Variants in CACNA2D1 observed in about 807,000 individuals in gnomAD.
The protein encoded by CACNA2D1 is voltage-dependent calcium channel subunit alpha-2/delta-1.
Under a neutral mutation model 171.5 loss-of-function variants are expected in CACNA2D1, and 53 were observed. That is an observed-to-expected ratio of 0.31 (90% confidence interval 0.25 to 0.39). The LOEUF is 0.39. CACNA2D1 is among the 10% of genes least tolerant of loss of function. The pLI is 1.00. For synonymous variants in CACNA2D1, 442 were observed against 443.1 expected, an observed-to-expected ratio of 1.00 and a Z score of 0.03; for missense variants, 903 against 1,299.8, an observed-to-expected ratio of 0.69 and a Z score of 4.69.
chr7:82,323,771 T>G (rs2129440873), intron 3 of CACNA2D1, among the ~76,000 whole-genome samples: 1 of 152,234 alleles, frequency 6.6e-6, no homozygotes, highest in Non-Finnish European at 1.5e-5. Flanking sequence ...AACATAAATT[T>G]TACATTAGAT....
chr7:82,169,261 A>AT (rs1469699088), intron 4 of CACNA2D1, among the ~76,000 whole-genome samples: 2 of 151,866 alleles, frequency 1.3e-5, no homozygotes, highest in Admixed American at 6.6e-5. Context: ...TTAATCATTG[A>AT]TTTTTTCCTT....
intron 38 of CACNA2D1, among the ~76,000 whole-genome samples, chr7:81,956,458 T>C (rs1394913066): frequency 6.6e-6 from 1 of 152,144 alleles, no homozygotes; most frequent in Non-Finnish European, 1.5e-5. Context: ...TTGATTACAC[T>C]TTTCTTGTGT....
chr7:82,061,022 C>G (rs937954414), intron 9 of CACNA2D1, among the ~76,000 whole-genome samples: 3 of 152,068 alleles, frequency 2.0e-5, no homozygotes, highest in Admixed American at 1.3e-4. Context: ...CTTCATTTTT[C>G]TTTCCTCTAC....
At chr7:82,395,871 T>A (rs1041936381) in intron 1 of CACNA2D1, among the ~76,000 whole-genome samples, 2 of 152,122 alleles carry the variant, frequency 1.3e-5, no homozygotes, top group African/African-American at 4.8e-5. Flanking sequence ...TCCCAATCAT[T>A]GGCATAAAAA....
chr7:82,076,956 A>G (rs1809037450), intron 7 of CACNA2D1, among the ~76,000 whole-genome samples: 1 of 152,154 alleles, frequency 6.6e-6, no homozygotes, highest in Admixed American at 6.5e-5. Context: ...TCCAAAGTTC[A>G]TAAACCTCTT....
At chr7:81,972,602 A>T (rs1376617694) in intron 25 of CACNA2D1, among the ~76,000 whole-genome samples, 1 of 151,866 alleles carries the variant, frequency 6.6e-6, no homozygotes, top group Non-Finnish European at 1.5e-5. Flanking sequence ...AAGTTTAAAG[A>T]TAATTGAGGA....
intron 2 of CACNA2D1, among the ~76,000 whole-genome samples, chr7:82,342,743 G>A (rs1234997529): frequency 2.0e-5 from 3 of 152,096 alleles, no homozygotes; most frequent in Non-Finnish European, 4.4e-5. Flanking sequence ...ACGTTTTGGA[G>A]GAAACGTGAT....
chr7:82,271,263 C>A (rs544568258), intron 3 of CACNA2D1, among the ~76,000 whole-genome samples: 44 of 152,172 alleles, frequency 2.9e-4, no homozygotes, highest in Middle Eastern at 3.4e-3. Flanking sequence ...GAAACTAGAT[C>A]CCCTCTAGTC....
At chr7:82,433,667 T>C (rs1010173688) in intron 1 of CACNA2D1, among the ~76,000 whole-genome samples, 15 of 152,246 alleles carry the variant, frequency 9.9e-5, no homozygotes, top group Non-Finnish European at 1.9e-4. Flanking sequence ...CTCTGACATT[T>C]GGTCTTCTCC....
At chr7:81,968,788 C>T in intron 29 of CACNA2D1, 99 bp downstream of exon 29, 4 of 752,934 alleles carry the variant, frequency 5.3e-6, no homozygotes, top group Non-Finnish European at 7.1e-6. Context: ...TGTTTGACAC[C>T]TTTTGATGAC....
At chr7:82,353,502 G>T (rs1393166782) in intron 1 of CACNA2D1, among the ~76,000 whole-genome samples, 1 of 151,998 alleles carries the variant, frequency 6.6e-6, no homozygotes, top group Non-Finnish European at 1.5e-5. Context: ...AATCTCCATA[G>T]AAATTAAAGA....
intron 3 of CACNA2D1, among the ~76,000 whole-genome samples, chr7:82,190,620 C>G (rs570047799): frequency 6.6e-6 from 1 of 151,732 alleles, no homozygotes; most frequent in Non-Finnish European, 1.5e-5. Flanking sequence ...CCTTTTCAAA[C>G]TGTAATACTT....
chr7:82,225,416 T>G (rs76627612), intron 3 of CACNA2D1, among the ~76,000 whole-genome samples: 510 of 152,310 alleles, frequency 3.3e-3, no homozygotes, highest in Middle Eastern at 6.8e-3. Flanking sequence ...TTCTACCTAC[T>G]ACCTACCAGA....
chr7:82,170,625 T>C lies in CACNA2D1; in HGVS notation c.295-16A>G. 1.2e-6 allele frequency: 2 copies of C among 1,610,738 alleles called. No individual in the cohort carries two copies. Among genetic ancestry groups the C allele is most frequent in the Non-Finnish European group, 1.7e-6 (2 of 1,177,526 alleles). On this transcript the variant is annotated splice_polypyrimidine_tract_variant and intron_variant, in intron 3 of 38. Coordinates refer to ENST00000356860, the MANE Select transcript of CACNA2D1 (RefSeq NM_000722.4). ...ATGCCAGGCGCTGAAAAACAAACAA[T>C]AAATCTTAGAATTCAAATGAACACG...
intron 4 of CACNA2D1, among the ~76,000 whole-genome samples, chr7:82,147,990 A>T (rs913402450): frequency 2.6e-5 from 4 of 152,214 alleles, no homozygotes; most frequent in Non-Finnish European, 4.4e-5. Context: ...GAAACATCCA[A>T]GACGCCCCAG....
intron 38 of CACNA2D1, 88 bp from the exon 39 acceptor site, chr7:81,950,596 C>T (rs1333768629): frequency 6.7e-7 from 1 of 1,496,670 alleles, no homozygotes. Flanking sequence ...CAGAGTAATC[C>T]ATATTTAGTT....
chr7:82,194,655 A>C (rs1798677277), intron 3 of CACNA2D1, among the ~76,000 whole-genome samples: 1 of 152,022 alleles, frequency 6.6e-6, no homozygotes. Context: ...GATATATTTT[A>C]ATGAAAAATT....
intron 3 of CACNA2D1, among the ~76,000 whole-genome samples, chr7:82,309,828 T>C (rs1814206753): frequency 6.6e-6 from 1 of 152,136 alleles, no homozygotes; most frequent in African/African-American, 2.4e-5. Flanking sequence ...TCCCTGTTCT[T>C]CATACCTGTC....
At chr7:82,435,822 A>T (rs1484781499) in intron 1 of CACNA2D1, among the ~76,000 whole-genome samples, 1 of 152,176 alleles carries the variant, frequency 6.6e-6, no homozygotes, top group Non-Finnish European at 1.5e-5. Flanking sequence ...AAACAGGGCT[A>T]TTGCAAATGT....
Sources: gnomAD v4.1 joint callset for allele counts (sites outside exome capture counted in the v4.1 genomes callset) on GRCh38, gnomAD v4.1.1 for gene constraint, MANE v1.5 for transcripts, NCBI Gene and HGNC (gene_info 2026-07-23, HGNC 2026-07-21) for gene names.